The following DGCR2 variants were observed in gnomAD, a reference collection of about 807,000 sequenced individuals.
The protein encoded by DGCR2 is DiGeorge syndrome critical region gene 2, also known as integral membrane protein DGCR2/IDD.
A neutral mutation model predicts 51.6 loss-of-function variants in DGCR2; 24 were observed. The observed-to-expected ratio is 0.47, with a 90% CI of 0.34 to 0.65. The LOEUF (loss-of-function observed/expected upper bound fraction) is 0.65. Ranked by LOEUF, DGCR2 falls within the 30% of genes least tolerant of loss-of-function variation. DGCR2 has a pLI of 0.01. For synonymous variants in DGCR2, 340 were observed against 315.4 expected (o/e 1.08, Z -0.82); for missense variants, 765 against 772.1 (o/e 0.99, Z 0.11).
At chr22:19,070,335 G>A (rs535542689) in intron 2 of DGCR2, among the ~76,000 whole-genome samples, 6 of 152,298 alleles carry the variant, frequency 3.9e-5, no homozygotes, top group Admixed American at 2.0e-4. Context: ...AAGGGCAAAG[G>A]CAGACATATC....
intron 1 of DGCR2, among the ~76,000 whole-genome samples, chr22:19,115,072 GGCA>G (rs2083358918): frequency 6.6e-6 from 1 of 152,198 alleles, no homozygotes. Context: ...AGCTACCGCA[GGCA>G]GAGGAGGAGG....
intron 2 of DGCR2, among the ~76,000 whole-genome samples, chr22:19,082,055 GT>G (rs964748419): frequency 7.6e-5 from 7 of 91,960 alleles, no homozygotes; most frequent in Admixed American, 4.7e-4. Context: ...GTTTTTTGGG[GT>G]TTTTTTTGTT....
At chr22:19,083,384 T>C (rs2082963173) in intron 2 of DGCR2, among the ~76,000 whole-genome samples, 2 of 152,212 alleles carry the variant, frequency 1.3e-5, no homozygotes, top group South Asian at 2.1e-4. Flanking sequence ...GCAAGGCAAG[T>C]GCTCCCTCCT....
intron 9 of DGCR2, among the ~76,000 whole-genome samples, chr22:19,040,007 T>C (rs558428440): frequency 6.6e-6 from 1 of 152,152 alleles, no homozygotes; most frequent in African/African-American, 2.4e-5. Context: ...CCACTGCGCC[T>C]GGGCTGCCTG....
chr22:19,108,604 A>AAAAAAAAAAT (rs2083283945), intron 1 of DGCR2, among the ~76,000 whole-genome samples: 1 of 131,598 alleles, frequency 7.6e-6, no homozygotes, highest in African/African-American at 2.6e-5. Context: ...AAAAAAAAAA[A>AAAAAAAAAAT]GATGCACAGG....
At position 19,041,183 on chromosome 22, in the gene DGCR2, A is replaced by C. The variant is rs1166818525; in HGVS notation, c.1271T>G (p.Phe424Cys). The C allele has an allele frequency of 1.4e-5, 22 of 1,613,728 alleles. No individual in the cohort carries two copies. Among genetic ancestry groups the C allele is most frequent in the Non-Finnish European group, 1.8e-5 (21 of 1,179,940 alleles). ...GGGAGGTGGAGGGTCGTGGAAATGG[A>C]AAGTCCCACCCTCTCCGTCGTCAGA... ...HLSDDGEGGT[F>C]HFHDPPPPYT... The change falls in exon 9 of 10, where the codon TTC (phenylalanine) becomes TGC (cysteine). Residue 424 changes from phenylalanine to cysteine, a missense_variant. Transcript: ENST00000263196.
chr22:19,056,417 G>C, intron 6 of DGCR2: 1 of 491,288 alleles, frequency 2.0e-6, no homozygotes, highest in Non-Finnish European at 3.7e-6. Context: ...TCCCCAACCT[G>C]CGCACAGCTG....
chr22:19,069,785 G>C (rs1245276439), intron 2 of DGCR2, among the ~76,000 whole-genome samples: 1 of 152,238 alleles, frequency 6.6e-6, no homozygotes, highest in East Asian at 1.9e-4. Flanking sequence ...TCTCATTTCT[G>C]AGACTCTGGA....
intron 1 of DGCR2, among the ~76,000 whole-genome samples, chr22:19,116,299 T>C (rs1449136609): frequency 1.3e-5 from 2 of 152,236 alleles, no homozygotes; most frequent in Non-Finnish European, 2.9e-5. Context: ...CCACAGGCTA[T>C]TCACCCTCCA....
At chr22:19,096,446 G>A (rs1231863100) in intron 1 of DGCR2, among the ~76,000 whole-genome samples, 1 of 152,102 alleles carries the variant, frequency 6.6e-6, no homozygotes, top group Non-Finnish European at 1.5e-5. Flanking sequence ...AACTAAATGA[G>A]TAGAATCAGA....
At chr22:19,064,267 C>T (rs1354195270) in intron 4 of DGCR2, among the ~76,000 whole-genome samples, 1 of 152,240 alleles carries the variant, frequency 6.6e-6, no homozygotes, top group African/African-American at 2.4e-5. Flanking sequence ...CTTGCTTCTC[C>T]ACTGGACTCA....
chr22:19,040,841 C>CA (rs2082422596), intron 9 of DGCR2, among the ~76,000 whole-genome samples: 2 of 152,208 alleles, frequency 1.3e-5, no homozygotes, highest in Non-Finnish European at 1.5e-5. Context: ...CAGGCCTTCT[C>CA]AGAGCTCTCT....
chr22:19,070,884 G>C (rs1290664726), intron 2 of DGCR2, among the ~76,000 whole-genome samples: 1 of 152,242 alleles, frequency 6.6e-6, no homozygotes, highest in Non-Finnish European at 1.5e-5. Context: ...CAGCAAGAAG[G>C]GGAAGGGCTT....
chr22:19,042,031 T>A (rs1384440772), intron 7 of DGCR2, 72 bp from the exon 8 acceptor site: 1 of 1,528,214 alleles, frequency 6.5e-7, no homozygotes, highest in Non-Finnish European at 8.8e-7. Context: ...GATGCTGTCG[T>A]CCTCCTGCCC....
At chr22:19,052,965 T>C (rs2082565448) in intron 6 of DGCR2, among the ~76,000 whole-genome samples, 1 of 152,174 alleles carries the variant, frequency 6.6e-6, no homozygotes. Context: ...GACCTACCAC[T>C]TCTGTAGCAA....
Position 19,038,884 on chromosome 22 carries a change from G to C in DGCR2, c.1634C>G (p.Ser545Cys). The change falls in exon 10 of 10, where the codon TCC becomes TGC. Residue 545 changes from serine (S) to cysteine (C), a missense_variant. By Grantham distance (112) the Ser-to-Cys change is moderately radical (BLOSUM62 -1). Coordinates refer to ENST00000263196, the MANE Select transcript of DGCR2 (RefSeq NM_005137.3). ...LPGGGRHSRS[S>C]LNTVV The stretch of plus-strand genomic sequence containing the variant: ...GGCCGTCTACACCACAGTATTGAGG[G>C]AGCTGCGGCTGTGGCGGCCACCCCC... The C allele has an allele frequency of 6.2e-7, 1 of 1,612,984 alleles. No homozygotes were observed. The highest frequency in any genetic ancestry group is 8.5e-7 in the Non-Finnish European group (1 of 1,179,906).
Position 19,057,275 on chromosome 22 carries a change from G to A in DGCR2, c.626-113C>T, listed in dbSNP as rs550221190. 1.4e-4 allele frequency: 162 copies of A among 1,156,574 alleles called. 1 individual carries two copies. In the African/African-American group the frequency reaches 1.7e-3, roughly 12 times the overall value. 71.6% of individuals were successfully genotyped at this position (1,156,574 alleles called of 1,614,324 possible). ...GATCATCAACCACAGGGCCTGGACC[G>A]CCAAGTACTGGTGGTCACTGTGGCC... is the stretch of plus-strand genomic sequence containing the variant. On this transcript the variant is annotated intron_variant, in intron 5 of 9. Transcript: ENST00000263196. This position sits in a 1 kb window ranked among gnomAD's most constrained non-coding sequence, Gnocchi z 5.1.
At position 19,057,875 on chromosome 22, in the gene DGCR2, C is replaced by T. The variant is rs1049024386; in HGVS notation, c.626-713G>A. On this transcript the variant is annotated intron_variant, in intron 5 of 9. Coordinates refer to ENST00000263196, the MANE Select transcript of DGCR2 (RefSeq NM_005137.3). This position sits in a 1 kb window ranked among gnomAD's most constrained non-coding sequence, Gnocchi z 5.1. ...TTGCAAGGTTCCAGGTGGGCTCTGG[C>T]CATGCCCAGGGCATGGCACAGCCAG... Among the ~76,000 whole-genome samples the T allele has an allele frequency of 2.0e-5, 3 of 152,132 alleles. No homozygotes were observed. Among genetic ancestry groups the T allele is most frequent in the Admixed American group, 2.0e-4 (3 of 15,276 alleles).
chr22:19,116,928 C>A (rs1167347409), intron 1 of DGCR2, among the ~76,000 whole-genome samples: 1 of 151,854 alleles, frequency 6.6e-6, no homozygotes, highest in East Asian at 1.9e-4. Context: ...CCTGCCACTA[C>A]TGCTAAGAGG....
Sources: gnomAD v4.1 joint callset for allele counts (sites outside exome capture counted in the v4.1 genomes callset) on GRCh38, gnomAD v4.1.1 for gene constraint, Gnocchi (gnomAD v3.1) non-coding constraint, MANE v1.5 for transcripts, NCBI Gene and HGNC (gene_info 2026-07-23, HGNC 2026-07-21) for gene names.